The following MYO1D variants were observed in gnomAD, a reference collection of about 807,000 sequenced individuals.
MYO1D encodes the protein myosin ID, also known as unconventional myosin-Id.
A neutral mutation model predicts 122.0 loss-of-function variants in MYO1D; 83 were observed. That is an observed-to-expected ratio of 0.68 (90% CI 0.57 to 0.82). MYO1D has a LOEUF of 0.82. Ranked by LOEUF, MYO1D falls within the 40% of genes least tolerant of loss-of-function variation. The pLI is 0.00. For synonymous variants in MYO1D, 464 were observed against 446.9 expected (o/e 1.04, Z -0.48); for missense variants, 1,157 against 1,269.5 (o/e 0.91, Z 1.35).
Position 32,803,546 on chromosome 17 carries a change from T to C in MYO1D, c.96-22762A>G, listed in dbSNP as rs537348966. On this transcript the variant is annotated intron_variant, in intron 1 of 21. Transcript: ENST00000318217. ...AATGTTTACAAATCATGAAATTGGT[T>C]TGGGAAAAAAATCATCTATAGCTTA... 2.2e-4 allele frequency among the ~76,000 whole-genome samples: 33 copies of C among 152,276 alleles called. No individual in the cohort carries two copies. In the South Asian group the frequency reaches 5.0e-3, roughly 23 times the overall value.
chr17:32,645,329 C>G (rs951898522), intron 19 of MYO1D, among the ~76,000 whole-genome samples: 1 of 151,738 alleles, frequency 6.6e-6, no homozygotes, highest in African/African-American at 2.4e-5. Flanking sequence ...GAGGGCTGCC[C>G]TTAACATTTT....
chr17:32,541,705 C>T (rs1910841474), intron 21 of MYO1D, among the ~76,000 whole-genome samples: 1 of 152,124 alleles, frequency 6.6e-6, no homozygotes, highest in Non-Finnish European at 1.5e-5. Flanking sequence ...AAAACTTTTG[C>T]ACAGGACCTG....
At chr17:32,572,268 A>G (rs2087238117) in intron 21 of MYO1D, among the ~76,000 whole-genome samples, 1 of 152,002 alleles carries the variant, frequency 6.6e-6, no homozygotes, top group South Asian at 2.1e-4. Flanking sequence ...CTTCTACACC[A>G]GAGGCTGAGG....
At chr17:32,687,127 T>A (rs2089025093) in intron 16 of MYO1D, among the ~76,000 whole-genome samples, 2 of 151,876 alleles carry the variant, frequency 1.3e-5, no homozygotes, top group South Asian at 4.1e-4. Context: ...ATTTCCCCCT[T>A]ACCCCCCGCC....
chr17:32,696,593 T>G (rs2089176913), intron 16 of MYO1D, among the ~76,000 whole-genome samples: 1 of 152,224 alleles, frequency 6.6e-6, no homozygotes, highest in African/African-American at 2.4e-5. Context: ...AGGAAAGGGT[T>G]AGTAAATATT....
intron 15 of MYO1D, among the ~76,000 whole-genome samples, chr17:32,713,662 T>C (rs1045256849): frequency 1.3e-5 from 2 of 151,992 alleles, no homozygotes; most frequent in African/African-American, 2.4e-5. Context: ...TGACACAGAG[T>C]CTCGCTCTAT....
At chr17:32,617,769 C>T (rs1410928693) in intron 20 of MYO1D, among the ~76,000 whole-genome samples, 1 of 152,164 alleles carries the variant, frequency 6.6e-6, no homozygotes, top group African/African-American at 2.4e-5. Context: ...GACCCAAGAA[C>T]ATATGACAGT....
intron 16 of MYO1D, among the ~76,000 whole-genome samples, chr17:32,697,993 G>A (rs1045877734): frequency 1.3e-5 from 2 of 152,202 alleles, no homozygotes; most frequent in Non-Finnish European, 2.9e-5. Flanking sequence ...AAAAGAGTGT[G>A]TGTGGGAAGC....
chr17:32,616,489 T>TA (rs1045379968), intron 20 of MYO1D, among the ~76,000 whole-genome samples: 7 of 151,202 alleles, frequency 4.6e-5, no homozygotes, highest in African/African-American at 1.5e-4. Flanking sequence ...AAACTTTTTT[T>TA]TTTTTTTTTT....
intron 20 of MYO1D, among the ~76,000 whole-genome samples, chr17:32,634,727 G>A (rs1320600107): frequency 2.0e-5 from 3 of 152,170 alleles, no homozygotes; most frequent in Non-Finnish European, 4.4e-5. Flanking sequence ...CACAATTTTA[G>A]GTCCTGTTTG....
chr17:32,763,095 A>T (rs2090018972), intron 8 of MYO1D, among the ~76,000 whole-genome samples: 2 of 123,430 alleles, frequency 1.6e-5, no homozygotes, highest in South Asian at 6.0e-4. Context: ...CTGAGGCAGG[A>T]GAATGGCATG....
intron 15 of MYO1D, among the ~76,000 whole-genome samples, chr17:32,718,452 C>T (rs941384397): frequency 6.6e-6 from 1 of 152,094 alleles, no homozygotes; most frequent in African/African-American, 2.4e-5. Context: ...AATCCCAGCA[C>T]TTTGGGAGGC....
rs572049989 is a variant in MYO1D at position 32,707,384 on chromosome 17, T to C, written c.2121+4604A>G. On this transcript the variant is annotated intron_variant, in intron 16 of 21. Coordinates refer to ENST00000318217, the MANE Select transcript of MYO1D (RefSeq NM_015194.3). ...TGGTAAAAGCCACTGTGGTCAAAAA[T>C]TTAGAGAAAAGAGTTCACTTGCATT... 2.4e-4 allele frequency among the ~76,000 whole-genome samples: 36 copies of C among 152,220 alleles called. No homozygotes were observed. The South Asian group carries it at 6.4e-3, about 27-fold the overall frequency.
intron 14 of MYO1D, among the ~76,000 whole-genome samples, chr17:32,729,705 T>C (rs1409291634): frequency 6.6e-6 from 1 of 152,212 alleles, no homozygotes; most frequent in Admixed American, 6.5e-5. Flanking sequence ...GTCATAAGGC[T>C]GAACATAGCT....
In MYO1D at chr17:32,838,637, G is replaced by C. The variant is rs2090849911; in HGVS notation, c.95+38141C>G. Among the ~76,000 whole-genome samples the C allele has an allele frequency of 2.0e-5, 3 of 152,276 alleles. 1 individual carries two copies. Among genetic ancestry groups the C allele is most frequent in the South Asian group, 2.1e-4 (1 of 4,824 alleles). Reference sequence around the variant, plus strand: ...AGGATATTAAAGATCTAAAAAATGAGTTTGCACTTTATCTTGAGAGCAAAG... The same window carrying C: ...AGGATATTAAAGATCTAAAAAATGACTTTGCACTTTATCTTGAGAGCAAAG... On this transcript the variant is annotated intron_variant, in intron 1 of 21. Transcript: ENST00000318217.
At chr17:32,793,162 A>C (rs2090373676) in intron 1 of MYO1D, among the ~76,000 whole-genome samples, 1 of 152,028 alleles carries the variant, frequency 6.6e-6, no homozygotes, top group African/African-American at 2.4e-5. Context: ...CCACCAGTGC[A>C]GCACTCAAGC....
chr17:32,624,333 T>C (rs1377128010), intron 20 of MYO1D, among the ~76,000 whole-genome samples: 1 of 151,326 alleles, frequency 6.6e-6, no homozygotes, highest in African/African-American at 2.4e-5. Flanking sequence ...ATTATAGGTG[T>C]TAACCATTGC....
chr17:32,703,360 C>G lies in MYO1D; in HGVS notation c.2121+8628G>C, dbSNP rs574836686. Among the ~76,000 whole-genome samples the G allele has an allele frequency of 8.5e-5, 13 of 152,204 alleles. No homozygotes were observed. The South Asian group carries it at 2.7e-3, about 32-fold the overall frequency. On this transcript the variant is annotated intron_variant, in intron 16 of 21. Transcript: ENST00000318217. ...TGTCCAAATTTGTTGTTAATGGACA[C>G]AAAAGACAAACTTTCTCAATTCTTT...
At chr17:32,774,722 TACCTGGCA>T (rs2090156510) in intron 4 of MYO1D, among the ~76,000 whole-genome samples, 1 of 152,186 alleles carries the variant, frequency 6.6e-6, no homozygotes, top group Non-Finnish European at 1.5e-5. Context: ...CTGATAATAA[TACCTGGCA>T]TTTCCTGTCC....
Sources: allele counts gnomAD v4.1 joint callset (sites outside exome capture counted in the v4.1 genomes callset), GRCh38; gene constraint gnomAD v4.1.1; transcripts MANE v1.5; gene names NCBI Gene and HGNC (gene_info 2026-07-23, HGNC 2026-07-21).